The following EPB41L3 variants were observed in gnomAD, a reference collection of about 807,000 sequenced individuals.
EPB41L3 encodes the protein erythrocyte membrane protein band 4.1 like 3.
In EPB41L3, 57 loss-of-function variants were observed where a neutral mutation model predicts 127.1. The observed-to-expected ratio is 0.45, with a 90% CI of 0.36 to 0.56. The LOEUF is 0.56. Ranked by LOEUF, EPB41L3 falls within the 20% of genes least tolerant of loss-of-function variation. EPB41L3 has a pLI of 0.00. For missense variants in EPB41L3, 1,273 were observed against 1,372.2 expected, an observed-to-expected ratio of 0.93 and a Z score of 1.14; for synonymous variants, 572 against 549.5, an observed-to-expected ratio of 1.04 and a Z score of -0.57.
chr18:5,554,006 G>A (rs772416386), intron 3 of EPB41L3, among the ~76,000 whole-genome samples: 1 of 152,166 alleles, frequency 6.6e-6, no homozygotes, highest in Non-Finnish European at 1.5e-5. Context: ...CTCACCGTCA[G>A]CTTTGGAATC....
chr18:5,583,866 C>T (rs2094418349), intron 3 of EPB41L3, among the ~76,000 whole-genome samples: 2 of 152,042 alleles, frequency 1.3e-5, no homozygotes, highest in Non-Finnish European at 2.9e-5. Flanking sequence ...TGGAGTGCAA[C>T]GGCATGATCT....
chr18:5,574,072 T>C (rs1599056382), intron 3 of EPB41L3, among the ~76,000 whole-genome samples: 1 of 152,096 alleles, frequency 6.6e-6, no homozygotes, highest in Admixed American at 6.6e-5. Context: ...CACCTTTTAA[T>C]AATATTAATA....
intron 1 of EPB41L3, among the ~76,000 whole-genome samples, chr18:5,618,241 G>T (rs1038247770): frequency 2.6e-5 from 4 of 152,142 alleles, no homozygotes; most frequent in African/African-American, 9.7e-5. Context: ...GGCTAAAAAA[G>T]CCAGAGACTG....
chr18:5,586,487 C>A (rs1021688749), intron 3 of EPB41L3, among the ~76,000 whole-genome samples: 1 of 150,772 alleles, frequency 6.6e-6, no homozygotes, highest in Non-Finnish European at 1.5e-5. Flanking sequence ...GCAGCCTTGA[C>A]CTTCTAGGCT....
rs561352826 is a variant in EPB41L3 at position 5,496,605 on chromosome 18, T to A, written c.-11-7411A>T. Among the ~76,000 whole-genome samples the A allele has an allele frequency of 3.3e-5, 5 of 152,318 alleles. No individual in the cohort carries two copies. The East Asian group carries it at 9.6e-4, about 29-fold the overall frequency. On this transcript the variant is annotated intron_variant, in intron 1 of 22. Coordinates refer to ENST00000341928, the MANE Select transcript of EPB41L3 (RefSeq NM_012307.5). ...AACACTCTGTCAAAAGCAAGGAAGT[T>A]CCCAGACTAGGATTCCTGAACTTCA...
At chr18:5,475,435 G>A (rs1289083859) in intron 3 of EPB41L3, among the ~76,000 whole-genome samples, 1 of 152,180 alleles carries the variant, frequency 6.6e-6, no homozygotes, top group Admixed American at 6.5e-5. Context: ...TATCGCATGT[G>A]ATTGAAACAC....
At chr18:5,521,049 G>A (rs2092969449) in intron 1 of EPB41L3, among the ~76,000 whole-genome samples, 1 of 152,068 alleles carries the variant, frequency 6.6e-6, no homozygotes, top group Non-Finnish European at 1.5e-5. Context: ...CTTGTCCCTG[G>A]TCAAAACAAT....
At chr18:5,537,135 A>G (rs2093598890) in intron 1 of EPB41L3, among the ~76,000 whole-genome samples, 1 of 152,194 alleles carries the variant, frequency 6.6e-6, no homozygotes, top group Non-Finnish European at 1.5e-5. Flanking sequence ...CAAGGCCGAG[A>G]GCCCAACCCA....
At chr18:5,547,916 G>T (rs2093907435), upstream of EPB41L3, among the ~76,000 whole-genome samples, 1 of 152,200 alleles carries the variant, frequency 6.6e-6, no homozygotes, top group Non-Finnish European at 1.5e-5. Flanking sequence ...TAGAGAATCA[G>T]TCTGGTTAAA....
At position 5,600,733 on chromosome 18, in the gene EPB41L3, C is replaced by A. The variant is rs571880805; in HGVS notation, c.-306+11607G>T. Among the ~76,000 whole-genome samples the A allele has an allele frequency of 1.1e-4, 17 of 152,236 alleles. No individual in the cohort carries two copies. The East Asian group carries it at 3.3e-3, about 29-fold the overall frequency. ...CAACAAAACCAATGTTCTTTCTAAT[C>A]ATTAAAACCATTAAAATGAATACAG... On this transcript the variant is annotated intron_variant, in intron 3 of 21. Coordinates refer to the EPB41L3 transcript ENST00000545076.
At chr18:5,451,274 C>T (rs1187534267) in intron 3 of EPB41L3, among the ~76,000 whole-genome samples, 2 of 152,158 alleles carry the variant, frequency 1.3e-5, no homozygotes, top group African/African-American at 4.8e-5. Flanking sequence ...GATCTTTTGG[C>T]TTCATACTAT....
intron 3 of EPB41L3, among the ~76,000 whole-genome samples, chr18:5,460,217 T>C (rs2083750531): frequency 1.3e-5 from 2 of 152,232 alleles, no homozygotes; most frequent in African/African-American, 4.8e-5. Flanking sequence ...CTCTGCTGAC[T>C]GGATCAGTGG....
chr18:5,610,902 C>T (rs1030951368), intron 3 of EPB41L3, among the ~76,000 whole-genome samples: 3 of 152,090 alleles, frequency 2.0e-5, no homozygotes, highest in Non-Finnish European at 4.4e-5. Context: ...ATTGCTCTAT[C>T]AGGGAAGAAA....
chr18:5,609,417 T>C (rs1225905901), intron 3 of EPB41L3, among the ~76,000 whole-genome samples: 1 of 152,210 alleles, frequency 6.6e-6, no homozygotes, highest in African/African-American at 2.4e-5. Flanking sequence ...CTGTCTATTC[T>C]GCATTCTATA....
intron 13 of EPB41L3, among the ~76,000 whole-genome samples, chr18:5,410,847 A>G (rs2076111141): frequency 6.6e-6 from 1 of 152,224 alleles, no homozygotes; most frequent in Admixed American, 6.5e-5. Flanking sequence ...AGGCACACTC[A>G]GCCTGCAGGA....
At chr18:5,419,424 A>C (rs1218291674) in intron 12 of EPB41L3, among the ~76,000 whole-genome samples, 2 of 152,244 alleles carry the variant, frequency 1.3e-5, no homozygotes, top group Non-Finnish European at 2.9e-5. Context: ...AGAAAAGTGT[A>C]ATACGCCACC....
intron 1 of EPB41L3, among the ~76,000 whole-genome samples, chr18:5,618,163 A>G (rs2094819470): frequency 6.6e-6 from 1 of 152,230 alleles, no homozygotes; most frequent in Non-Finnish European, 1.5e-5. Context: ...ACTCAGCTGT[A>G]AAATGGGGAA....
intron 1 of EPB41L3, among the ~76,000 whole-genome samples, chr18:5,626,869 G>C (rs935577661): frequency 6.6e-6 from 1 of 152,196 alleles, no homozygotes; most frequent in East Asian, 1.9e-4. Flanking sequence ...TGTATTGTGA[G>C]AATAGGTAAT....
At chr18:5,493,051 T>A (rs1159328508) in intron 1 of EPB41L3, among the ~76,000 whole-genome samples, 5 of 152,194 alleles carry the variant, frequency 3.3e-5, no homozygotes, top group Non-Finnish European at 7.3e-5. Flanking sequence ...CAGCTCTAAT[T>A]TTTTATTCCA....
Sources: gnomAD v4.1 joint callset for allele counts (sites outside exome capture counted in the v4.1 genomes callset) on GRCh38, gnomAD v4.1.1 for gene constraint, MANE v1.5 for transcripts, NCBI Gene and HGNC (gene_info 2026-07-23, HGNC 2026-07-21) for gene names.